Variants in NLGN4X observed in about 807,000 individuals in gnomAD.
NLGN4X encodes neuroligin-4, X-linked.
In NLGN4X, 3 loss-of-function variants were observed where a neutral mutation model predicts 40.3. The observed-to-expected ratio is 0.07, with a 90% confidence interval of 0.03 to 0.19. The LOEUF is 0.19. Among genes scored for constraint, NLGN4X ranks in the 10% least tolerant of loss-of-function variants. The probability of loss-of-function intolerance (pLI) is 1.00; values close to 1 mark genes in which losing one functional copy is unlikely to be tolerated. For missense variants in NLGN4X, 382 were observed against 708.3 expected (o/e 0.54, Z 5.23); for synonymous variants, 270 against 306.8 (o/e 0.88, Z 1.25).
chrX:6,183,525 C>T (rs1182681394), intron 1 of NLGN4X, among the ~76,000 whole-genome samples: 4 of 106,601 alleles, frequency 3.8e-5, no homozygotes, highest in African/African-American at 1.4e-4. Context: ...CCAGCCTGGA[C>T]GAGAGAGCAA....
At chrX:5,981,064 T>C (rs750100849) in intron 3 of NLGN4X, among the ~76,000 whole-genome samples, 1 of 111,568 alleles carries the variant, frequency 9.0e-6, no homozygotes, top group Admixed American at 9.6e-5. Context: ...TGTCTCCCAG[T>C]TGCTTAAGCC....
At chrX:6,147,327 A>G (rs988595449) in intron 2 of NLGN4X, among the ~76,000 whole-genome samples, 2 of 111,718 alleles carry the variant, frequency 1.8e-5, no homozygotes, top group African/African-American at 6.5e-5. Context: ...CAAGCTTTAT[A>G]TTTAATATGA....
chrX:6,227,092 A>T (rs1377394239), intron 1 of NLGN4X: 1 of 112,250 alleles, frequency 8.9e-6, no homozygotes, highest in Non-Finnish European at 1.9e-5. Flanking sequence ...TGGAGTGGGA[A>T]GGGGCTGAGC....
chrX:6,096,874 T>C (rs1022936607), intron 2 of NLGN4X, among the ~76,000 whole-genome samples: 1 of 110,827 alleles, frequency 9.0e-6, no homozygotes, highest in Admixed American at 9.6e-5. Context: ...CTGTATTAGA[T>C]TGTGAAGGGA....
At chrX:5,989,864 G>A (rs1357434647) in intron 3 of NLGN4X, among the ~76,000 whole-genome samples, 4 of 110,935 alleles carry the variant, frequency 3.6e-5, no homozygotes, top group African/African-American at 1.3e-4. Flanking sequence ...CCATGATAAC[G>A]TTTATTTTAT....
At chrX:6,064,955 C>T (rs1048644852) in intron 2 of NLGN4X, among the ~76,000 whole-genome samples, 1 of 111,470 alleles carries the variant, frequency 9.0e-6, no homozygotes, top group African/African-American at 3.3e-5. Flanking sequence ...AAATCATGTT[C>T]TTTGAAGCAA....
rs115293063 is a variant in NLGN4X at position 5,943,648 on chromosome X, C to T, written c.626-34409G>A. On this transcript the variant is annotated intron_variant, in intron 3 of 5. Coordinates refer to ENST00000381095, the MANE Select transcript of NLGN4X (RefSeq NM_181332.3). The stretch of plus-strand genomic sequence containing the variant: ...CATGAAGTCTGCAATGCTCAGTACC[C>T]ACAGGGTGGTAAACTTGCCTTCTAA... Among the ~76,000 whole-genome samples, 308 of 112,313 alleles carry T rather than the reference C, an allele frequency of 2.7e-3. 3 individuals carry two copies. The highest frequency in any genetic ancestry group is 9.4e-3 in the African/African-American group (292 of 30,930).
rs781662189 is a variant in NLGN4X, at chrX:6,128,225, G to A, written c.472+22770C>T. On this transcript the variant is annotated intron_variant, in intron 2 of 5. Transcript: ENST00000381095. The stretch of plus-strand genomic sequence containing the variant: ...CCCTACGAAGGCTGGGACAGACTGA[G>A]GCACACACCCCTGGCAACATCTTTT... Among the ~76,000 whole-genome samples, 167 of 111,513 alleles carry A rather than the reference G, an allele frequency of 1.5e-3. 1 individual carries two copies. Among genetic ancestry groups the A allele is most frequent in the African/African-American group, 5.2e-3 (159 of 30,671 alleles).
At position 6,066,870 on chromosome X, in the gene NLGN4X, G is replaced by A. The variant is rs761564363; in HGVS notation, c.473-37438C>T. The stretch of plus-strand genomic sequence containing the variant: ...CGCCTGTAATCCCAGCACTTTGGGA[G>A]GCCAAGGCAGGAGGATCACTTGAGC... On this transcript the variant is annotated intron_variant, in intron 2 of 5. Transcript: ENST00000381095. Among the ~76,000 whole-genome samples the A allele has an allele frequency of 1.7e-3, 194 of 112,462 alleles. 2 individuals are homozygous for A. Among genetic ancestry groups the A allele is most frequent in the African/African-American group, 5.9e-3 (184 of 30,975 alleles).
chrX:6,085,942 A>G lies in NLGN4X; in HGVS notation c.473-56510T>C, dbSNP rs777722491. 4.3e-4 allele frequency among the ~76,000 whole-genome samples: 48 copies of G among 112,357 alleles called. No individual in the cohort carries two copies. The East Asian group carries it at 4.5e-3, about 11-fold the overall frequency. ...AGCGCCATTTTTCTTCAAGGGGTTA[A>G]CGATAGGCAAAGCTCAGGGCTGAGG... On this transcript the variant is annotated intron_variant, in intron 2 of 5. Coordinates refer to ENST00000381095, the MANE Select transcript of NLGN4X (RefSeq NM_181332.3).
At chrX:6,163,732 A>C (rs2040445974) in intron 1 of NLGN4X, among the ~76,000 whole-genome samples, 1 of 112,182 alleles carries the variant, frequency 8.9e-6, no homozygotes, top group Admixed American at 9.5e-5. Flanking sequence ...GACCACCAAG[A>C]TTTACAAAGA....
rs1340897346 is a variant in NLGN4X, at chrX:5,901,826, GTATA to G, written c.1601+1247_1601+1250del. The stretch of plus-strand genomic sequence containing the variant: ...TATATATTGTATATATATAGTATTT[GTATA>G]TATATTTGTATTTGTATATACAAAT... On this transcript the variant is annotated intron_variant, in intron 5 of 5. Transcript: ENST00000381095. 2.9e-5 allele frequency among the ~76,000 whole-genome samples: 3 copies of G among 104,243 alleles called. No homozygotes were observed. In the South Asian group the frequency reaches 1.2e-3, roughly 43 times the overall value. The allele number at this position is 104,243 out of a possible 115,157, so 90.5% of individuals were successfully genotyped here.
intron 4 of NLGN4X, among the ~76,000 whole-genome samples, chrX:5,904,208 C>G (rs749686011): frequency 9.0e-6 from 1 of 110,882 alleles, no homozygotes; most frequent in South Asian, 3.8e-4. Context: ...CCTCCAGATG[C>G]CATATATAAA....
intron 2 of NLGN4X, among the ~76,000 whole-genome samples, chrX:6,068,044 T>A (rs1273002509): frequency 1.8e-5 from 2 of 111,714 alleles, no homozygotes; most frequent in Non-Finnish European, 3.8e-5. Flanking sequence ...TACCGTATAG[T>A]TTTAGGTGAG....
At chrX:5,905,072 A>G (rs1223919124) in intron 4 of NLGN4X, among the ~76,000 whole-genome samples, 1 of 91,482 alleles carries the variant, frequency 1.1e-5, no homozygotes, top group Non-Finnish European at 2.1e-5. Flanking sequence ...TAAAATGTCC[A>G]AAAAAAAAAA....
At chrX:5,924,636 C>T (rs2033201482) in intron 3 of NLGN4X, among the ~76,000 whole-genome samples, 1 of 111,915 alleles carries the variant, frequency 8.9e-6, no homozygotes, top group Non-Finnish European at 1.9e-5. Flanking sequence ...GATAAAGAAA[C>T]TGTGGTACAT....
At position 5,892,947 on chromosome X, in the gene NLGN4X, A is replaced by C; in HGVS notation, c.2321T>G (p.Met774Arg). 1 of 1,211,695 alleles carries C rather than the reference A, an allele frequency of 8.3e-7. No individual in the cohort carries two copies. The highest frequency in any genetic ancestry group is 1.1e-6 in the Non-Finnish European group (1 of 895,561). The change falls in exon 6 of 6, where the codon ATG becomes AGG. Residue 774 changes from methionine (M) to arginine (R), a missense_variant. Transcript: ENST00000381095. ...LRRSPDDIPLMTPNTITMIPN... is the reference protein window; with the variant it reads ...LRRSPDDIPLRTPNTITMIPN... ...AATCATGGTGATGGTGTTTGGCGTCATAAGTGGGATGTCATCTGGCGACCG... is the reference window on the plus strand; with the variant it reads ...AATCATGGTGATGGTGTTTGGCGTCCTAAGTGGGATGTCATCTGGCGACCG...
chrX:6,124,831 T>A (rs1266521029), intron 2 of NLGN4X, among the ~76,000 whole-genome samples: 3 of 112,565 alleles, frequency 2.7e-5, no homozygotes, highest in African/African-American at 9.7e-5. Context: ...AATATGTCTA[T>A]GTATGTGTAA....
At chrX:6,082,977 T>TTTTTTG (rs1569227473) in intron 2 of NLGN4X, among the ~76,000 whole-genome samples, 5 of 85,665 alleles carry the variant, frequency 5.8e-5, no homozygotes, top group African/African-American at 2.3e-4. Context: ...TTTTTTTTTT[T>TTTTTTG]GAGACGGAGT....
Sources: gnomAD v4.1 joint callset for allele counts (sites outside exome capture counted in the v4.1 genomes callset) on GRCh38, gnomAD v4.1.1 for gene constraint, MANE v1.5 for transcripts, NCBI Gene and HGNC (gene_info 2026-07-23, HGNC 2026-07-21) for gene names.